The following HTR1F variants were observed in gnomAD, a reference collection of about 807,000 sequenced individuals.
HTR1F encodes the protein 5-hydroxytryptamine receptor 1F, also known as 5-hydroxytryptamine (serotonin) receptor 1F, G protein-coupled.
A neutral mutation model predicts 24.0 loss-of-function variants in HTR1F; 17 were observed. The ratio of observed to expected loss-of-function variants is 0.71; its 90% CI spans 0.48 to 1.06. The LOEUF (loss-of-function observed/expected upper bound fraction) is 1.06, where lower values mean the gene tolerates loss of function less well. Ranked by LOEUF, HTR1F falls within the 50% of genes least tolerant of loss-of-function variation. HTR1F has a pLI of 0.00. For missense variants in HTR1F, 391 were observed against 427.8 expected (o/e 0.91, Z 0.76); for synonymous variants, 186 against 156.8 (o/e 1.19, Z -1.39).
chr3:87,875,721 G>C (rs935836700), intron 2 of HTR1F, among the ~76,000 whole-genome samples: 12 of 151,928 alleles, frequency 7.9e-5, no homozygotes, highest in Admixed American at 4.6e-4. Context: ...TCAGGAGATT[G>C]AGACCATCCT....
chr3:87,807,578 T>C (rs1704094628), intron 1 of HTR1F, among the ~76,000 whole-genome samples: 1 of 151,890 alleles, frequency 6.6e-6, no homozygotes, highest in Admixed American at 6.6e-5. Flanking sequence ...ACAGGGACAA[T>C]TTGACTTATT....
chr3:87,808,250 ACT>A (rs1380787866), intron 1 of HTR1F, among the ~76,000 whole-genome samples: 2 of 151,730 alleles, frequency 1.3e-5, no homozygotes, highest in Non-Finnish European at 3.0e-5. Context: ...TAGGTCCTGT[ACT>A]TCTGTTGTTG....
chr3:87,797,645 T>A, intron 1 of HTR1F, among the ~76,000 whole-genome samples: 1 of 150,240 alleles, frequency 6.7e-6, no homozygotes, highest in East Asian at 2.0e-4. Context: ...AAATAAAACT[T>A]CACGCATGAA....
intron 1 of HTR1F, among the ~76,000 whole-genome samples, chr3:87,798,122 C>T (rs756142762): frequency 6.6e-6 from 1 of 152,060 alleles, no homozygotes; most frequent in Non-Finnish European, 1.5e-5. Context: ...CGGATCATCA[C>T]TCTCATCAAA....
chr3:87,856,155 G>C (rs1486432106), intron 2 of HTR1F, among the ~76,000 whole-genome samples: 2 of 151,734 alleles, frequency 1.3e-5, no homozygotes, highest in Admixed American at 1.3e-4. Flanking sequence ...TTTATTATTA[G>C]TTACTATTAA....
intron 2 of HTR1F, among the ~76,000 whole-genome samples, chr3:87,905,866 G>A (rs1252670624): frequency 6.6e-6 from 1 of 152,058 alleles, no homozygotes; most frequent in Non-Finnish European, 1.5e-5. Flanking sequence ...GAGCATTTGG[G>A]TGATAAACTG....
At chr3:87,846,860 T>G (rs1185300188) in intron 2 of HTR1F, among the ~76,000 whole-genome samples, 1 of 151,938 alleles carries the variant, frequency 6.6e-6, no homozygotes, top group East Asian at 1.9e-4. Context: ...ATTTTATAGT[T>G]TTATAGAAAT....
At chr3:87,935,639 T>G (rs555340832) in intron 2 of HTR1F, among the ~76,000 whole-genome samples, 1 of 152,326 alleles carries the variant, frequency 6.6e-6, no homozygotes, top group Admixed American at 6.5e-5. Context: ...AATTAAAATT[T>G]AAAGTTGAGA....
intron 2 of HTR1F, among the ~76,000 whole-genome samples, chr3:87,928,285 A>T (rs1704176658): frequency 6.6e-6 from 1 of 152,012 alleles, no homozygotes; most frequent in Non-Finnish European, 1.5e-5. Context: ...TCCTCAAGTG[A>T]TCCACCTGCC....
intron 2 of HTR1F, among the ~76,000 whole-genome samples, chr3:87,986,572 CCTT>C (rs1705666067): frequency 6.6e-6 from 1 of 152,170 alleles, no homozygotes; most frequent in Admixed American, 6.5e-5. Flanking sequence ...AACCAATTCA[CCTT>C]CTAATTTTAA....
intron 2 of HTR1F, among the ~76,000 whole-genome samples, chr3:87,983,075 G>A (rs1705587101): frequency 6.6e-6 from 1 of 152,114 alleles, no homozygotes; most frequent in African/African-American, 2.4e-5. Flanking sequence ...AAACTAACGG[G>A]AACATAATTC....
At chr3:87,942,739 CTT>C (rs1553680480) in intron 2 of HTR1F, among the ~76,000 whole-genome samples, 3 of 144,484 alleles carry the variant, frequency 2.1e-5, no homozygotes, top group Non-Finnish European at 1.5e-5. Flanking sequence ...AAGCGGTGGC[CTT>C]TTTTTTTTTT....
chr3:87,932,036 C>T (rs1576049599), intron 2 of HTR1F, among the ~76,000 whole-genome samples: 1 of 152,122 alleles, frequency 6.6e-6, no homozygotes, highest in African/African-American at 2.4e-5. Flanking sequence ...TGTGCAGAAG[C>T]TCTCTAGTTT....
chr3:87,896,913 G>C (rs1415919501), intron 2 of HTR1F, among the ~76,000 whole-genome samples: 1 of 152,112 alleles, frequency 6.6e-6, no homozygotes, highest in Non-Finnish European at 1.5e-5. Flanking sequence ...AGAGATACAT[G>C]TCGGTGAGAG....
chr3:87,908,131 G>C (rs923299921), intron 2 of HTR1F, among the ~76,000 whole-genome samples: 1 of 151,930 alleles, frequency 6.6e-6, no homozygotes, highest in Non-Finnish European at 1.5e-5. Flanking sequence ...CCTATCTATT[G>C]AGAAGTTTCC....
At chr3:87,929,218 G>T (rs960354804) in intron 2 of HTR1F, among the ~76,000 whole-genome samples, 1 of 152,144 alleles carries the variant, frequency 6.6e-6, no homozygotes, top group Non-Finnish European at 1.5e-5. Context: ...AGAACAGAAA[G>T]CACATGGCAC....
At chr3:87,809,525 T>A (rs1704127144) in intron 1 of HTR1F, among the ~76,000 whole-genome samples, 1 of 152,060 alleles carries the variant, frequency 6.6e-6, no homozygotes. Flanking sequence ...CTTTTTTGAT[T>A]TACATGCATT....
chr3:87,904,118 AC>A (rs1364112992), intron 2 of HTR1F, among the ~76,000 whole-genome samples: 5 of 152,258 alleles, frequency 3.3e-5, no homozygotes, highest in South Asian at 2.1e-4. Context: ...GCATAAAAAA[AC>A]GTTTACAACA....
intron 2 of HTR1F, among the ~76,000 whole-genome samples, chr3:87,972,029 C>A (rs747970038): frequency 9.9e-5 from 15 of 152,174 alleles, no homozygotes; most frequent in Non-Finnish European, 2.1e-4. Flanking sequence ...ATTGTGCATG[C>A]TTTTCCTCAC....
Sources: allele counts gnomAD v4.1 joint callset (sites outside exome capture counted in the v4.1 genomes callset), GRCh38; gene constraint gnomAD v4.1.1; transcripts MANE v1.5; gene names NCBI Gene and HGNC (gene_info 2026-07-23, HGNC 2026-07-21).